The following POLR3A variants were observed in gnomAD, a reference collection of about 807,000 sequenced individuals.
POLR3A encodes DNA-directed RNA polymerase III subunit RPC1.
A neutral mutation model predicts 152.8 loss-of-function variants in POLR3A; 112 were observed. The observed-to-expected ratio is 0.73, with a 90% CI of 0.63 to 0.86. The LOEUF (loss-of-function observed/expected upper bound fraction) is 0.86. Among genes scored for constraint, POLR3A ranks in the 40% least tolerant of loss-of-function variants. POLR3A has a pLI of 0.00. For missense variants in POLR3A, 1,385 were observed against 1,743.1 expected (o/e 0.79, Z 3.66); for synonymous variants, 615 against 652.1 (o/e 0.94, Z 0.87).
chr10:78,014,159 A>C (rs1272449480), intron 10 of POLR3A, among the ~76,000 whole-genome samples: 2 of 151,892 alleles, frequency 1.3e-5, no homozygotes, highest in Non-Finnish European at 2.9e-5. Flanking sequence ...TCCATCTCAA[A>C]AAAAGAAAAA....
chr10:77,993,314 G>A lies in POLR3A; in HGVS notation c.2670C>T (p.Val890=). 8 of 1,612,922 alleles carry A rather than the reference G, an allele frequency of 5.0e-6. No homozygotes were observed. The highest frequency in any genetic ancestry group is 6.8e-6 in the Non-Finnish European group (8 of 1,178,976). Residue 890 remains valine, a synonymous_variant, in exon 20 of 31, where the codon GTC becomes GTT. Transcript: ENST00000372371. ...GGATAATATCGCCAGTAGAGCTTCG[G>A]ACTGTCAGATCATACTGGGAGCAAA... ...EDLCSQYDLT[V]RSSTGDIIQF...
chr10:77,977,343 C>A lies in POLR3A; in HGVS notation c.*135G>T, dbSNP rs531659725. 1,571 of 890,012 alleles carry A rather than the reference C, an allele frequency of 1.8e-3. 14 individuals are homozygous for A. Among genetic ancestry groups the A allele is most frequent in the Middle Eastern group, 0.011 (33 of 2,966 alleles). The allele number at this position is 890,012 out of a possible 1,614,324, so 55.1% of individuals were successfully genotyped here. ...AGAGGAGAAGCTGCTCCTGGGGATG[C>A]CAAGAGGGCTTCTCTGATTGCTGGC... On this transcript the variant is annotated 3_prime_UTR_variant, in exon 31 of 31. Transcript: ENST00000372371.
At chr10:78,002,687 A>C (rs999945323) in intron 16 of POLR3A, among the ~76,000 whole-genome samples, 14 of 151,958 alleles carry the variant, frequency 9.2e-5, no homozygotes, top group Non-Finnish European at 1.5e-4. Flanking sequence ...ATATGTCCCT[A>C]CCAGGCCTGG....
In POLR3A at chr10:77,977,180, T is replaced by G; in HGVS notation, c.*298A>C. On this transcript the variant is annotated 3_prime_UTR_variant, in exon 31 of 31. Coordinates refer to ENST00000372371, the MANE Select transcript of POLR3A (RefSeq NM_007055.4). ...ATGGACCATGACACCTGGCTGGGCT[T>G]TAAGTCCAGGGAAGCAGTGTGTGCA... The G allele has an allele frequency of 2.5e-6, 1 of 396,954 alleles. No homozygotes were observed. Among genetic ancestry groups the G allele is most frequent in the African/African-American group, 2.1e-5 (1 of 48,592 alleles). 24.6% of individuals were successfully genotyped at this position (396,954 alleles called of 1,614,324 possible). A position where few individuals can be genotyped will look rare whatever the true frequency, so the allele number is the denominator to read the frequency against.
Position 77,993,117 on chromosome 10 carries a change from T to C in POLR3A, c.2787+80A>G, listed in dbSNP as rs148982572. 1.7e-4 allele frequency: 179 copies of C among 1,035,366 alleles called. 2 individuals carry two copies. The South Asian group carries it at 1.9e-3, about 11-fold the overall frequency. The allele number at this position is 1,035,366 out of a possible 1,614,324, so 64.1% of individuals were successfully genotyped here. A position where few individuals can be genotyped will look rare whatever the true frequency, so the allele number is the denominator to read the frequency against. ...ATACTGAAGTATTTATTAACTGCAATTGATAGTCCAAACAGTACTTCCGTC... is the reference window on the plus strand; with the variant it reads ...ATACTGAAGTATTTATTAACTGCAACTGATAGTCCAAACAGTACTTCCGTC... On this transcript the variant is annotated intron_variant, in intron 20 of 30. Transcript: ENST00000372371.
rs372322664 is a variant in POLR3A at position 77,978,179 on chromosome 10, G to A, written c.4025-553C>T. 2.6e-5 allele frequency among the ~76,000 whole-genome samples: 4 copies of A among 152,274 alleles called. No individual in the cohort carries two copies. In the East Asian group the frequency reaches 7.7e-4, roughly 29 times the overall value. On this transcript the variant is annotated intron_variant, in intron 30 of 30. Transcript: ENST00000372371. ...AGCCCTGATGAGAAACACCCAGAAG[G>A]CAGGGCACCTATAGAGTTACAGGAT... is the stretch of plus-strand genomic sequence containing the variant.
intron 12 of POLR3A, 138 bp downstream of exon 12, chr10:78,010,333 G>T (rs1056861549): frequency 3.9e-6 from 3 of 769,770 alleles, no homozygotes; most frequent in African/African-American, 1.7e-5. Flanking sequence ...GGAGGTTCAT[G>T]ATCAAACTTA....
At chr10:78,009,318 C>A (rs1388710341) in intron 14 of POLR3A, among the ~76,000 whole-genome samples, 1 of 152,070 alleles carries the variant, frequency 6.6e-6, no homozygotes, top group African/African-American at 2.4e-5. Context: ...CTAACCACTG[C>A]GTCATGTGTC....
rs753456807 is a variant in POLR3A at position 78,009,952 on chromosome 10, C to T, written c.1682G>A (p.Arg561Gln). 10 of 1,614,010 alleles carry T rather than the reference C, an allele frequency of 6.2e-6. No individual in the cohort carries two copies. The highest frequency in any genetic ancestry group is 3.3e-5 in the South Asian group (3 of 91,072). ...LLTLKDTFFDRAKACQIIASI... is the reference protein window; with the variant it reads ...LLTLKDTFFDQAKACQIIASI... Reference sequence around the variant, plus strand: ...AGCAATGATTTGGCAAGCCTTGGCTCGATCAAAGAAAGTGTCCTTGAGAGT... The same window carrying T: ...AGCAATGATTTGGCAAGCCTTGGCTTGATCAAAGAAAGTGTCCTTGAGAGT... The change falls in exon 13 of 31, where the codon CGA (arginine) becomes CAA (glutamine). Residue 561 changes from arginine (R) to glutamine (Q), a missense_variant. Transcript: ENST00000372371.
Position 78,021,927 on chromosome 10 carries a change from G to A in POLR3A, c.981C>T (p.Gly327=). The A allele has an allele frequency of 6.2e-7, 1 of 1,614,124 alleles. No individual in the cohort carries two copies. Among genetic ancestry groups the A allele is most frequent in the Non-Finnish European group, 8.5e-7 (1 of 1,180,010 alleles). Residue 327 remains glycine, a synonymous_variant, in exon 7 of 31, where the codon GGC becomes GGT. Coordinates refer to ENST00000372371, the MANE Select transcript of POLR3A (RefSeq NM_007055.4). ...CALYINSELS[G]IPLNMAPKKW... ...TCTTGGGTGCCATGTTGAGGGGAAT[G>A]CCCGAGAGCTCACTGTTAATGTAGA...
chr10:78,000,874 T>G, intron 18 of POLR3A, 102 bp downstream of exon 18: 1 of 716,230 alleles, frequency 1.4e-6, no homozygotes. Flanking sequence ...AAACTCCACA[T>G]GAAATTGGCC....
chr10:78,003,192 G>T lies in POLR3A; in HGVS notation c.2248-884C>A, dbSNP rs76022675. 3.3e-3 allele frequency among the ~76,000 whole-genome samples: 499 copies of T among 152,264 alleles called. 4 individuals are homozygous for T. Among genetic ancestry groups the T allele is most frequent in the African/African-American group, 0.012 (481 of 41,546 alleles). ...GGTTCCATGAAAAATTGCTGCTGCCGAGGTCTCAAGTAATTTTCTAGGAGG... is the reference window on the plus strand; with the variant it reads ...GGTTCCATGAAAAATTGCTGCTGCCTAGGTCTCAAGTAATTTTCTAGGAGG... On this transcript the variant is annotated intron_variant, in intron 16 of 30. Coordinates refer to ENST00000372371, the MANE Select transcript of POLR3A (RefSeq NM_007055.4).
At chr10:77,984,352 G>T in intron 24 of POLR3A, 54 bp from the exon 25 acceptor site, 2 of 1,014,586 alleles carry the variant, frequency 2.0e-6, no homozygotes, top group Non-Finnish European at 3.2e-6. Flanking sequence ...GGCTGTTTGA[G>T]GACTACTGCT....
rs2288374 is a variant in POLR3A at position 78,001,283 on chromosome 10, C to T, written c.2360-189G>A. Among the ~76,000 whole-genome samples the T allele has an allele frequency of 3.2e-3, 487 of 152,192 alleles. 11 individuals are homozygous for T. In the East Asian group the frequency reaches 0.045, roughly 14 times the overall value. On this transcript the variant is annotated intron_variant, in intron 17 of 30. Coordinates refer to ENST00000372371, the MANE Select transcript of POLR3A (RefSeq NM_007055.4). ...CAGGAACCCAAGAAAGGCGGAACGACGGCGAGAGGAGCCAGGAGCATGTGT... is the reference window on the plus strand; with the variant it reads ...CAGGAACCCAAGAAAGGCGGAACGATGGCGAGAGGAGCCAGGAGCATGTGT...
At chr10:77,984,378 G>T in intron 24 of POLR3A, 80 bp from the exon 25 acceptor site, 1 of 838,624 alleles carries the variant, frequency 1.2e-6, no homozygotes, top group South Asian at 1.3e-5. Flanking sequence ...AAACCCAAGT[G>T]CTATTTAGAA....
intron 26 of POLR3A, 113 bp downstream of exon 26, chr10:77,983,807 C>T (rs1014011377): frequency 2.7e-6 from 2 of 741,832 alleles, no homozygotes; most frequent in East Asian, 2.7e-5. Flanking sequence ...AGAAACCACA[C>T]AGAAGGTTCT....
chr10:78,007,680 A>G, intron 15 of POLR3A, 22 bp downstream of exon 15: 1 of 1,609,254 alleles, frequency 6.2e-7, no homozygotes, highest in Non-Finnish European at 8.5e-7. Flanking sequence ...TTTAACTAAA[A>G]GAAGGATGCT....
intron 21 of POLR3A, 59 bp downstream of exon 21, chr10:77,990,995 A>C: frequency 1.0e-6 from 1 of 952,770 alleles, no homozygotes; most frequent in East Asian, 2.4e-5. Context: ...GCCCTTGGCA[A>C]ACAGAGTTCT....
chr10:78,029,230 C>T, intron 1 of POLR3A, 134 bp downstream of exon 1: 1 of 888,396 alleles, frequency 1.1e-6, no homozygotes, highest in South Asian at 1.3e-5. Context: ...GTTCTGGGCG[C>T]TGGTCACACC....
Sources: gnomAD v4.1 joint callset for allele counts (sites outside exome capture counted in the v4.1 genomes callset) on GRCh38, gnomAD v4.1.1 for gene constraint, MANE v1.5 for transcripts, NCBI Gene and HGNC (gene_info 2026-07-23, HGNC 2026-07-21) for gene names.